The following KIDINS220 variants were observed in gnomAD, a reference collection of about 807,000 sequenced individuals.
KIDINS220 encodes the protein kinase D-interacting substrate of 220 kDa.
A neutral mutation model predicts 157.6 loss-of-function variants in KIDINS220; 63 were observed. That is an observed-to-expected ratio of 0.40 (90% CI 0.33 to 0.49). The LOEUF (loss-of-function observed/expected upper bound fraction) is 0.49. KIDINS220 is among the 20% of genes least tolerant of loss of function. The pLI is 0.66. For synonymous variants in KIDINS220, 732 were observed against 783.6 expected (o/e 0.93, Z 1.10); for missense variants, 1,772 against 2,171.2 (o/e 0.82, Z 3.65).
In KIDINS220 at chr2:8,817,614, A is replaced by G. The variant is rs531282558; in HGVS notation, c.306+4T>C. ...TAATTAAGAACATATAAAAATGTCC[A>G]TACCATATCACGGTGCTCCAAGTTA... On this transcript the variant is annotated splice_donor_region_variant and intron_variant, in intron 4 of 29. Coordinates refer to ENST00000256707, the MANE Select transcript of KIDINS220 (RefSeq NM_020738.4). 4 of 1,557,198 alleles carry G rather than the reference A, an allele frequency of 2.6e-6. No homozygotes were observed. The South Asian group carries it at 3.5e-5, about 14-fold the overall frequency.
intron 14 of KIDINS220, 53 bp from the exon 15 acceptor site, chr2:8,788,865 T>A: frequency 6.6e-7 from 1 of 1,512,380 alleles, no homozygotes; most frequent in Non-Finnish European, 9.1e-7. Flanking sequence ...GTCAAGCAGA[T>A]CTTTTCTCCA....
chr2:8,761,020 G>A (rs1222894969), intron 22 of KIDINS220, among the ~76,000 whole-genome samples: 4 of 152,112 alleles, frequency 2.6e-5, no homozygotes, highest in South Asian at 2.1e-4. Flanking sequence ...TGTGAAAATA[G>A]TGTCTATCAT....
At position 8,791,192 on chromosome 2, in the gene KIDINS220, T is replaced by A; in HGVS notation, c.1309A>T (p.Met437Leu). The change falls in exon 13 of 30, where the codon ATG (methionine) becomes TTG (leucine). Residue 437 changes from methionine to leucine, a missense_variant. By Grantham distance (15) the Met-to-Leu change is conservative. Around this residue, in one of 3 missense-constraint regions of KIDINS220, gnomAD observed 725 missense variants for 1,017.1 expected, o/e 0.71. Transcript: ENST00000256707. ...CTGCTATATAAATCATATCCAAGCA[T>A]GTCACCGTCTGTTTCAGTAGGAGAC... ...HLSPTETDGD[M>L]LGYDLYSSAL... The A allele has an allele frequency of 6.2e-7, 1 of 1,613,958 alleles. No homozygotes were observed. The highest frequency in any genetic ancestry group is 8.5e-7 in the Non-Finnish European group (1 of 1,179,884).
chr2:8,788,709 AAGG>A lies in KIDINS220; in HGVS notation c.1722_1724del (p.Leu575del). The A allele has an allele frequency of 6.2e-7, 1 of 1,614,212 alleles. No individual in the cohort carries two copies. The highest frequency in any genetic ancestry group is 8.5e-7 in the Non-Finnish European group (1 of 1,180,006). ...CAGGTGGATTCACAAACATCAATTT[AAGG>A]AGGAGTTCCAAATATCCAATATGTC... is the stretch of plus-strand genomic sequence containing the variant. On this transcript the variant is annotated inframe_deletion, in exon 15 of 30. Transcript: ENST00000256707.
intron 13 of KIDINS220, among the ~76,000 whole-genome samples, chr2:8,790,274 C>T (rs1038513136): frequency 6.6e-6 from 1 of 152,196 alleles, no homozygotes; most frequent in African/African-American, 2.4e-5. Context: ...TGACTCGCCA[C>T]CCTCTCCTGC....
intron 21 of KIDINS220, among the ~76,000 whole-genome samples, chr2:8,773,262 A>C (rs183680568): frequency 6.6e-6 from 1 of 152,340 alleles, no homozygotes; most frequent in Non-Finnish European, 1.5e-5. Context: ...AAATTCGTAC[A>C]TTTGAAATGT....
At chr2:8,754,045 T>TA (rs1224110783) in intron 22 of KIDINS220, among the ~76,000 whole-genome samples, 1 of 152,208 alleles carries the variant, frequency 6.6e-6, no homozygotes, top group East Asian at 1.9e-4. Context: ...CAAGTGGTGA[T>TA]AAAATCAGAG....
chr2:8,770,097 G>A (rs1213178467), intron 22 of KIDINS220, among the ~76,000 whole-genome samples: 1 of 152,122 alleles, frequency 6.6e-6, no homozygotes, highest in Admixed American at 6.6e-5. Context: ...TGAAATCTTA[G>A]AAGTGTATAT....
intron 17 of KIDINS220, among the ~76,000 whole-genome samples, chr2:8,782,408 T>C (rs1671839823): frequency 6.6e-6 from 1 of 152,148 alleles, no homozygotes; most frequent in Non-Finnish European, 1.5e-5. Flanking sequence ...AATAAAGGGA[T>C]ACTACAAACA....
chr2:8,833,309 G>C (rs182037224), intron 1 of KIDINS220, among the ~76,000 whole-genome samples: 5 of 152,142 alleles, frequency 3.3e-5, no homozygotes, highest in Admixed American at 2.0e-4. Flanking sequence ...CCCATATGAA[G>C]CCAATAAATA....
intron 21 of KIDINS220, among the ~76,000 whole-genome samples, chr2:8,776,485 T>C (rs1457680487): frequency 1.3e-5 from 2 of 152,186 alleles, no homozygotes; most frequent in African/African-American, 2.4e-5. Context: ...ATTATCTTTA[T>C]AGTGAAAGAA....
chr2:8,817,402 C>T (rs1406955255), intron 4 of KIDINS220, among the ~76,000 whole-genome samples: 2 of 151,934 alleles, frequency 1.3e-5, no homozygotes, highest in Non-Finnish European at 2.9e-5. Flanking sequence ...ATTTTAAACT[C>T]CAAAATAAAT....
chr2:8,790,526 G>A (rs1221278529), intron 13 of KIDINS220, among the ~76,000 whole-genome samples: 2 of 152,048 alleles, frequency 1.3e-5, no homozygotes, highest in African/African-American at 2.4e-5. Flanking sequence ...GTTCTTAAAG[G>A]TGCATGTTGA....
At position 8,766,569 on chromosome 2, in the gene KIDINS220, T is replaced by C. The variant is rs1350104175; in HGVS notation, c.3011+4101A>G. Among the ~76,000 whole-genome samples, 5 of 152,342 alleles carry C rather than the reference T, an allele frequency of 3.3e-5. No homozygotes were observed. The Middle Eastern group carries it at 0.014, about 415-fold the overall frequency. ...TCGGGGCAGGGATCTTTGCTGGTTT[T>C]GTTCATGGATACACCCAAGCTCTCA... On this transcript the variant is annotated intron_variant, in intron 22 of 29. Transcript: ENST00000256707.
chr2:8,812,490 T>C lies in KIDINS220; in HGVS notation c.409A>G (p.Ser137Gly), dbSNP rs1398379306. ...GCTGCCCAAATGATTGGGTAAACACTGTACTGCTAGGATAGATTGGTTGGT... is the reference window on the plus strand; with the variant it reads ...GCTGCCCAAATGATTGGGTAAACACCGTACTGCTAGGATAGATTGGTTGGT... ...GANPSVTGLY[S>G]VYPIIWAAGR... is the part of the protein sequence containing the mutation. Residue 137 changes from serine to glycine, a missense_variant, in exon 6 of 30, where the codon AGT (serine) becomes GGT (glycine). This residue lies in a region of KIDINS220 where 254 missense variants were observed against 268.6 expected (regional missense o/e 0.95). Transcript: ENST00000256707. The C allele has an allele frequency of 2.5e-6, 4 of 1,574,160 alleles. No individual in the cohort carries two copies.
chr2:8,793,595 G>A (rs1366603730), intron 12 of KIDINS220, among the ~76,000 whole-genome samples: 3 of 151,980 alleles, frequency 2.0e-5, no homozygotes, highest in Non-Finnish European at 4.4e-5. Context: ...ACACCACCAC[G>A]CTCAGCTAAT....
chr2:8,774,944 T>G (rs1265415537), intron 21 of KIDINS220, among the ~76,000 whole-genome samples: 1 of 152,178 alleles, frequency 6.6e-6, no homozygotes, highest in African/African-American at 2.4e-5. Flanking sequence ...AGTTAGACTA[T>G]TTCCATAATT....
At chr2:8,830,344 C>A (rs1340715552) in intron 1 of KIDINS220, among the ~76,000 whole-genome samples, 1 of 152,158 alleles carries the variant, frequency 6.6e-6, no homozygotes, top group Non-Finnish European at 1.5e-5. Flanking sequence ...CTGGCTTAAT[C>A]TACTTTCCTT....
At chr2:8,800,148 T>C (rs1436975134) in intron 9 of KIDINS220, 1 of 371,408 alleles carries the variant, frequency 2.7e-6, no homozygotes, top group Non-Finnish European at 4.8e-6. Flanking sequence ...AATCTATATA[T>C]ACCCATTAGT....
Sources: gnomAD v4.1 joint callset for allele counts (sites outside exome capture counted in the v4.1 genomes callset) on GRCh38, gnomAD v4.1.1 for gene constraint, gnomAD v4.1.1 regional missense constraint, MANE v1.5 for transcripts, NCBI Gene and HGNC (gene_info 2026-07-23, HGNC 2026-07-21) for gene names.